CDC42SE2: variants seen among roughly 807,000 people sequenced by gnomAD.
CDC42SE2 encodes the protein CDC42 small effector protein 2.
In CDC42SE2, 3 loss-of-function variants were observed where a neutral mutation model predicts 11.5. The ratio of observed to expected loss-of-function variants is 0.26; its 90% CI spans 0.12 to 0.67. The LOEUF is 0.67. Ranked by LOEUF, CDC42SE2 falls within the 30% of genes least tolerant of loss-of-function variation. CDC42SE2 has a pLI of 0.80. For missense variants in CDC42SE2, 82 were observed against 106.8 expected, an observed-to-expected ratio of 0.77 and a Z score of 1.02; for synonymous variants, 33 against 34.8, an observed-to-expected ratio of 0.95 and a Z score of 0.18.
Position 131,307,780 on chromosome 5 carries a change from G to C in CDC42SE2, c.-454-8196G>C, listed in dbSNP as rs1316492722. Among the ~76,000 whole-genome samples, 8 of 152,110 alleles carry C rather than the reference G, an allele frequency of 5.3e-5. No homozygotes were observed. The South Asian group carries it at 6.2e-4, about 12-fold the overall frequency. On this transcript the variant is annotated intron_variant, in intron 1 of 4. Transcript: ENST00000505065. ...CATTCTAACTGGTGTGAGATGGTATGTCATTGTGGTTTTGATTTGCATTTC... is the reference window on the plus strand; with the variant it reads ...CATTCTAACTGGTGTGAGATGGTATCTCATTGTGGTTTTGATTTGCATTTC...
intron 1 of CDC42SE2, among the ~76,000 whole-genome samples, chr5:131,303,750 A>G (rs1048906165): frequency 6.6e-6 from 1 of 152,226 alleles, no homozygotes; most frequent in Non-Finnish European, 1.5e-5. Context: ...GTACTCATTC[A>G]TTGGAGTTGT....
chr5:131,315,306 A>G (rs1758018161), intron 1 of CDC42SE2, among the ~76,000 whole-genome samples: 1 of 152,030 alleles, frequency 6.6e-6, no homozygotes, highest in African/African-American at 2.4e-5. Flanking sequence ...TCAGCTTCTG[A>G]CTCTTAAGTC....
intron 2 of CDC42SE2, among the ~76,000 whole-genome samples, chr5:131,337,611 C>T (rs1270167224): frequency 1.3e-5 from 2 of 152,244 alleles, no homozygotes; most frequent in Non-Finnish European, 2.9e-5. Flanking sequence ...CTGTGGTGGG[C>T]TCCACCCAGT....
At chr5:131,342,514 C>T (rs148571459) in intron 2 of CDC42SE2, among the ~76,000 whole-genome samples, 5,038 of 148,338 alleles carry the variant, frequency 0.034, 290 homozygotes, top group African/African-American at 0.12. Flanking sequence ...CTCTGCCTCC[C>T]GAGTAGCTGG....
chr5:131,259,639 C>G (rs1329333170), upstream of CDC42SE2, among the ~76,000 whole-genome samples: 3 of 152,192 alleles, frequency 2.0e-5, no homozygotes, highest in African/African-American at 7.2e-5. Context: ...TTAGTACATA[C>G]ATCTAGTTAG....
intron 2 of CDC42SE2, among the ~76,000 whole-genome samples, chr5:131,346,555 C>G (rs1306014157): frequency 1.3e-5 from 2 of 152,058 alleles, no homozygotes; most frequent in African/African-American, 2.4e-5. Flanking sequence ...ATAATAATGG[C>G]AGACTTTAAC....
chr5:131,393,639 A>AAGAG lies in CDC42SE2; in HGVS notation c.*2552_*2555dup, dbSNP rs1242883354. 2.0e-5 allele frequency: 3 copies of AAGAG among 152,272 alleles called. No homozygotes were observed. Among genetic ancestry groups the AAGAG allele is most frequent in the East Asian group, 3.8e-4 (2 of 5,332 alleles). The allele number at this position is 152,272 out of a possible 1,614,324, so 9.4% of individuals were successfully genotyped here. A position where few individuals can be genotyped will look rare whatever the true frequency, so the allele number is the denominator to read the frequency against. On this transcript the variant is annotated 3_prime_UTR_variant, in exon 5 of 5. Transcript: ENST00000505065. ...TATGTGCTGTGTGCAAGCTCTTTAG[A>AAGAG]AGAGAGATTGGATTTTCTTGGCATT...
At chr5:131,316,902 G>A (rs552470670) in intron 2 of CDC42SE2, among the ~76,000 whole-genome samples, 31 of 152,236 alleles carry the variant, frequency 2.0e-4, no homozygotes, top group African/African-American at 7.5e-4. Flanking sequence ...ATTACTCAAA[G>A]CCATGTTTTT....
chr5:131,265,689 G>A (rs1369444946), intron 1 of CDC42SE2, among the ~76,000 whole-genome samples: 3 of 152,172 alleles, frequency 2.0e-5, no homozygotes, highest in Non-Finnish European at 4.4e-5. Flanking sequence ...ATTCATAACA[G>A]CCTTTAAAGG....
chr5:131,301,555 C>G (rs961801508), intron 1 of CDC42SE2, among the ~76,000 whole-genome samples: 2 of 151,824 alleles, frequency 1.3e-5, no homozygotes, highest in African/African-American at 4.8e-5. Flanking sequence ...GTCAGGAGTT[C>G]GAGACCAGCC....
chr5:131,256,166 C>T (rs1286008820), intron 2 of CDC42SE2, among the ~76,000 whole-genome samples: 1 of 152,152 alleles, frequency 6.6e-6, no homozygotes, highest in African/African-American at 2.4e-5. Context: ...GTCACATTTG[C>T]TTTTTTGCCC....
chr5:131,246,242 G>T (rs1756581368), intron 1 of CDC42SE2, among the ~76,000 whole-genome samples: 2 of 152,170 alleles, frequency 1.3e-5, no homozygotes, highest in Non-Finnish European at 2.9e-5. Context: ...GATTACCTGA[G>T]GTCAGGAGTT....
At chr5:131,336,462 T>A (rs1758564793) in intron 2 of CDC42SE2, among the ~76,000 whole-genome samples, 1 of 152,214 alleles carries the variant, frequency 6.6e-6, no homozygotes, top group Non-Finnish European at 1.5e-5. Flanking sequence ...GAGTTGCTCT[T>A]CTCGAGGAGT....
At chr5:131,338,853 A>G (rs1198608329) in intron 2 of CDC42SE2, among the ~76,000 whole-genome samples, 1 of 152,204 alleles carries the variant, frequency 6.6e-6, no homozygotes, top group Admixed American at 6.5e-5. Flanking sequence ...CATGTGGTAC[A>G]GGAATCTCAA....
intron 1 of CDC42SE2, among the ~76,000 whole-genome samples, chr5:131,308,847 T>C (rs1410309959): frequency 6.6e-6 from 1 of 152,200 alleles, no homozygotes; most frequent in Non-Finnish European, 1.5e-5. Context: ...GATTTTGGGC[T>C]GAGATGATGG....
intron 1 of CDC42SE2, among the ~76,000 whole-genome samples, chr5:131,296,597 G>T (rs1460672356): frequency 1.3e-5 from 2 of 152,058 alleles, no homozygotes; most frequent in African/African-American, 2.4e-5. Flanking sequence ...TTTTCATACT[G>T]TTGGCTTCTT....
At chr5:131,274,150 G>A (rs954375006) in intron 1 of CDC42SE2, among the ~76,000 whole-genome samples, 24 of 152,090 alleles carry the variant, frequency 1.6e-4, no homozygotes, top group South Asian at 4.2e-4. Flanking sequence ...ATCCATTTGC[G>A]TACTCCGCAT....
At position 131,359,425 on chromosome 5, in the gene CDC42SE2, G is replaced by T; in HGVS notation, c.-69G>T. 1.8e-6 allele frequency: 2 copies of T among 1,102,436 alleles called. No homozygotes were observed. The highest frequency in any genetic ancestry group is 2.5e-5 in the South Asian group (2 of 80,806). The allele number at this position is 1,102,436 out of a possible 1,614,324, so 68.3% of individuals were successfully genotyped here. A position where few individuals can be genotyped will look rare whatever the true frequency, so the allele number is the denominator to read the frequency against. ...ACTGGACATCATCGTATTGAGGAGCGTATTTTTGGAACTTCCCGAGTTGAG... is the reference window on the plus strand; with the variant it reads ...ACTGGACATCATCGTATTGAGGAGCTTATTTTTGGAACTTCCCGAGTTGAG... On this transcript the variant is annotated 5_prime_UTR_variant, in exon 3 of 5. Transcript: ENST00000505065.
chr5:131,317,995 A>T (rs1758086270), intron 2 of CDC42SE2, among the ~76,000 whole-genome samples: 1 of 151,432 alleles, frequency 6.6e-6, no homozygotes, highest in South Asian at 2.1e-4. Context: ...GCCTAGGCCT[A>T]TGTGTTTGAG....
Sources: allele counts gnomAD v4.1 joint callset (sites outside exome capture counted in the v4.1 genomes callset), GRCh38; gene constraint gnomAD v4.1.1; transcripts MANE v1.5; gene names NCBI Gene and HGNC (gene_info 2026-07-23, HGNC 2026-07-21).